Variants in MYO5B observed in about 807,000 individuals in gnomAD.
MYO5B encodes unconventional myosin-Vb.
In MYO5B, 143 loss-of-function variants were observed where a neutral mutation model predicts 229.3. The ratio of observed to expected loss-of-function variants is 0.62; its 90% CI spans 0.54 to 0.72. The LOEUF is 0.72. Ranked by LOEUF, MYO5B falls within the 30% of genes least tolerant of loss-of-function variation. The pLI is 0.00. For missense variants in MYO5B, 2,321 were observed against 2,331.0 expected (o/e 1.00, Z 0.09); for synonymous variants, 918 against 885.2 (o/e 1.04, Z -0.66).
chr18:49,890,035 G>T (rs2024690951), intron 22 of MYO5B, among the ~76,000 whole-genome samples: 1 of 152,142 alleles, frequency 6.6e-6, no homozygotes, highest in African/African-American at 2.4e-5. Flanking sequence ...AAACAATTTT[G>T]GAGGTAGGCC....
At chr18:50,135,568 G>T (rs1268571390) in intron 1 of MYO5B, among the ~76,000 whole-genome samples, 1 of 152,180 alleles carries the variant, frequency 6.6e-6, no homozygotes. Flanking sequence ...CACCTCTCTG[G>T]TTGAAAGGGC....
chr18:50,133,582 C>CTCCG (rs558370589), intron 1 of MYO5B, among the ~76,000 whole-genome samples: 1 of 152,178 alleles, frequency 6.6e-6, no homozygotes, highest in Non-Finnish European at 1.5e-5. Context: ...CCCTCCATCC[C>CTCCG]TCCGTCCGTC....
intron 14 of MYO5B, among the ~76,000 whole-genome samples, chr18:49,940,611 T>G (rs745434618): frequency 6.6e-6 from 1 of 152,144 alleles, no homozygotes; most frequent in African/African-American, 2.4e-5. Context: ...TGCAGACACT[T>G]TGCTCAGTGA....
At chr18:49,957,491 T>G (rs3897687) in intron 12 of MYO5B, among the ~76,000 whole-genome samples, 99,773 of 151,746 alleles carry the variant, frequency 0.66, 32,931 homozygotes, top group Middle Eastern at 0.71. Context: ...ACAAAAAACT[T>G]AAAAATTAGC....
At chr18:50,034,992 C>A (rs1417244644) in intron 4 of MYO5B, among the ~76,000 whole-genome samples, 1 of 152,162 alleles carries the variant, frequency 6.6e-6, no homozygotes, top group Non-Finnish European at 1.5e-5. Flanking sequence ...TACCCTAGGG[C>A]AAGACAGTAT....
At chr18:50,182,299 T>C (rs1489360073) in intron 1 of MYO5B, among the ~76,000 whole-genome samples, 1 of 152,186 alleles carries the variant, frequency 6.6e-6, no homozygotes, top group Non-Finnish European at 1.5e-5. Context: ...ACAGGACAGG[T>C]GGATATCCAT....
chr18:49,944,371 A>G (rs2025347896), intron 14 of MYO5B, among the ~76,000 whole-genome samples: 1 of 152,078 alleles, frequency 6.6e-6, no homozygotes, highest in African/African-American at 2.4e-5. Flanking sequence ...AGTTCTTTCT[A>G]AACAGATCCC....
chr18:49,966,196 C>A (rs1016745898), intron 10 of MYO5B, among the ~76,000 whole-genome samples: 1 of 152,170 alleles, frequency 6.6e-6, no homozygotes, highest in Non-Finnish European at 1.5e-5. Context: ...TGGTGCTCAC[C>A]TCCCCCATCA....
rs191599606 is a variant in MYO5B at position 49,864,970 on chromosome 18, G to C, written c.3604-590C>G. On this transcript the variant is annotated intron_variant, in intron 27 of 39. Coordinates refer to ENST00000285039, the MANE Select transcript of MYO5B (RefSeq NM_001080467.3). ...AGGAAAAATACCTACATACAGAATT[G>C]AATGTGCTATAGGAACTCAACTTTG... 3.9e-5 allele frequency among the ~76,000 whole-genome samples: 6 copies of C among 152,276 alleles called. No individual in the cohort carries two copies. The East Asian group carries it at 9.7e-4, about 25-fold the overall frequency.
intron 1 of MYO5B, among the ~76,000 whole-genome samples, chr18:50,172,614 T>C (rs1034034235): frequency 1.3e-5 from 2 of 152,236 alleles, no homozygotes; most frequent in South Asian, 2.1e-4. Flanking sequence ...AGTGAAACTA[T>C]GGTGATGTCA....
At chr18:49,997,266 T>C (rs1598940227) in intron 5 of MYO5B, among the ~76,000 whole-genome samples, 3 of 66,782 alleles carry the variant, frequency 4.5e-5, no homozygotes, top group East Asian at 7.3e-4. Flanking sequence ...GGTCCTGTCT[T>C]TAAAAAAAAA....
chr18:49,958,291 C>T (rs1441244228), intron 12 of MYO5B, among the ~76,000 whole-genome samples: 1 of 152,216 alleles, frequency 6.6e-6, no homozygotes, highest in African/African-American at 2.4e-5. Flanking sequence ...ATCTCGACAA[C>T]TCCTAAACCC....
At position 49,826,100 on chromosome 18, in the gene MYO5B, A is replaced by G. The variant is rs4127441; in HGVS notation, c.*371T>C. 21,541 of 278,786 alleles carry G rather than the reference A, an allele frequency of 0.077. 1,789 individuals are homozygous for G. The highest frequency in any genetic ancestry group is 0.3 in the East Asian group (3,354 of 11,102). 17.3% of individuals were successfully genotyped at this position (278,786 alleles called of 1,614,324 possible). Reference sequence around the variant, plus strand: ...TGAAGGCAATTTATGTGACTTATATATATTTGGTATTTTAATTTGGACATT... The same window carrying G: ...TGAAGGCAATTTATGTGACTTATATGTATTTGGTATTTTAATTTGGACATT... On this transcript the variant is annotated 3_prime_UTR_variant, in exon 40 of 40. Coordinates refer to ENST00000285039, the MANE Select transcript of MYO5B (RefSeq NM_001080467.3).
chr18:50,176,219 G>T (rs757215153), intron 1 of MYO5B, among the ~76,000 whole-genome samples: 7 of 152,136 alleles, frequency 4.6e-5, no homozygotes, highest in Non-Finnish European at 8.8e-5. Context: ...CAAAAATCAT[G>T]CAGCACCCAA....
Position 50,118,617 on chromosome 18 carries a change from T to C in MYO5B, c.28-63239A>G, listed in dbSNP as rs932113428. Among the ~76,000 whole-genome samples the C allele has an allele frequency of 7.6e-5, 11 of 145,092 alleles. No homozygotes were observed. In the East Asian group the frequency reaches 8.7e-4, roughly 11 times the overall value. On this transcript the variant is annotated intron_variant, in intron 1 of 39. Transcript: ENST00000285039. ...GTTACATATGTATACATGTGCCATG[T>C]TGGCATTTCTTTTTTTTTTTTTTTT... is the stretch of plus-strand genomic sequence containing the variant.
intron 1 of MYO5B, among the ~76,000 whole-genome samples, chr18:50,095,154 A>T (rs185282447): frequency 6.6e-6 from 1 of 152,324 alleles, no homozygotes; most frequent in East Asian, 1.9e-4. Flanking sequence ...TTCCCTGCAC[A>T]ACCTTTCTCA....
intron 39 of MYO5B, among the ~76,000 whole-genome samples, chr18:49,832,014 A>G (rs1053936762): frequency 6.6e-6 from 1 of 152,230 alleles, no homozygotes; most frequent in Admixed American, 6.5e-5. Context: ...CTTATATGTG[A>G]TATCTAGAAT....
Position 49,880,422 on chromosome 18 carries a change from A to G in MYO5B, c.3079T>C (p.Leu1027=). The change falls in exon 23 of 40, where the codon TTG becomes CTG. Residue 1027 remains leucine (L), a synonymous_variant. Coordinates refer to ENST00000285039, the MANE Select transcript of MYO5B (RefSeq NM_001080467.3). ...VADLEQENAL[L]KDEKEQLNNQ... ...TTGAGCTGTTCTTTCTCATCTTTCAAGAGAGCATTTTCTTGCTCCAGGTCT... is the reference window on the plus strand; with the variant it reads ...TTGAGCTGTTCTTTCTCATCTTTCAGGAGAGCATTTTCTTGCTCCAGGTCT... The G allele has an allele frequency of 6.2e-7, 1 of 1,614,164 alleles. No individual in the cohort carries two copies. The highest frequency in any genetic ancestry group is 8.5e-7 in the Non-Finnish European group (1 of 1,180,010).
Position 50,194,814 on chromosome 18 carries a change from C to T in MYO5B, c.-21G>A, listed in dbSNP as rs376156294. ...GACATGGCCCGGGCCGGGCGGGGCT[C>T]GGGCCCCGGCTCCTGGCTGCCCCGC... On this transcript the variant is annotated 5_prime_UTR_variant, in exon 1 of 40. Coordinates refer to ENST00000285039, the MANE Select transcript of MYO5B (RefSeq NM_001080467.3). 16 of 1,324,478 alleles carry T rather than the reference C, an allele frequency of 1.2e-5. No homozygotes were observed. Among genetic ancestry groups the T allele is most frequent in the Admixed American group, 1.1e-4 (3 of 26,154 alleles). The allele number at this position is 1,324,478 out of a possible 1,614,324, so 82.0% of individuals were successfully genotyped here.
Sources: allele counts gnomAD v4.1 joint callset (sites outside exome capture counted in the v4.1 genomes callset), GRCh38; gene constraint gnomAD v4.1.1; transcripts MANE v1.5; gene names NCBI Gene and HGNC (gene_info 2026-07-23, HGNC 2026-07-21).